The following HS3ST4 variants were observed in gnomAD, a reference collection of about 807,000 sequenced individuals.
The protein encoded by HS3ST4 is heparan sulfate-glucosamine 3-sulfotransferase 4.
A neutral mutation model predicts 29.2 loss-of-function variants in HS3ST4; 17 were observed. The ratio of observed to expected loss-of-function variants is 0.58; its 90% CI spans 0.40 to 0.87. HS3ST4 has a LOEUF of 0.87. Ranked by LOEUF, HS3ST4 falls within the 40% of genes least tolerant of loss-of-function variation. HS3ST4 has a pLI of 0.00. For synonymous variants in HS3ST4, 314 were observed against 285.7 expected (o/e 1.10, Z -1.00); for missense variants, 627 against 634.5 (o/e 0.99, Z 0.13).
chr16:26,105,322 A>T (rs563661009), intron 1 of HS3ST4, among the ~76,000 whole-genome samples: 1 of 152,292 alleles, frequency 6.6e-6, no homozygotes, highest in East Asian at 1.9e-4. Flanking sequence ...AAAAATAGGA[A>T]TGATAGACAC....
chr16:25,991,354 A>G (rs1350409841), intron 1 of HS3ST4, among the ~76,000 whole-genome samples: 1 of 152,182 alleles, frequency 6.6e-6, no homozygotes, highest in African/African-American at 2.4e-5. Flanking sequence ...GATATTTAAC[A>G]CGTTTAATCA....
chr16:25,947,858 G>T (rs1450617021), intron 1 of HS3ST4, among the ~76,000 whole-genome samples: 1 of 152,082 alleles, frequency 6.6e-6, no homozygotes, highest in Non-Finnish European at 1.5e-5. Context: ...AAACTTTCCA[G>T]CTGTGCAAGT....
At chr16:26,118,842 G>C (rs1370659296) in intron 1 of HS3ST4, among the ~76,000 whole-genome samples, 2 of 152,060 alleles carry the variant, frequency 1.3e-5, no homozygotes, top group African/African-American at 4.8e-5. Context: ...TGAGGTTGGA[G>C]AACATACCAT....
intron 1 of HS3ST4, among the ~76,000 whole-genome samples, chr16:26,086,636 A>G (rs925502542): frequency 3.3e-5 from 5 of 152,204 alleles, no homozygotes; most frequent in African/African-American, 9.6e-5. Context: ...GGCATGAGCC[A>G]CCATGCCCAG....
At chr16:25,861,960 C>T (rs1260655666) in intron 1 of HS3ST4, among the ~76,000 whole-genome samples, 1 of 151,936 alleles carries the variant, frequency 6.6e-6, no homozygotes, top group Non-Finnish European at 1.5e-5. Flanking sequence ...AGCAGCAGTC[C>T]CCAACCATTT....
intron 1 of HS3ST4, among the ~76,000 whole-genome samples, chr16:25,790,796 A>G (rs1966867484): frequency 6.6e-6 from 1 of 152,186 alleles, no homozygotes; most frequent in African/African-American, 2.4e-5. Context: ...TCTGGGTAAA[A>G]GTCCTTTGTT....
Position 25,923,859 on chromosome 16 carries a change from C to A in HS3ST4, c.735-211753C>A, listed in dbSNP as rs149293473. Among the ~76,000 whole-genome samples, 194 of 152,260 alleles carry A rather than the reference C, an allele frequency of 1.3e-3. 3 individuals carry two copies. The East Asian group carries it at 0.034, about 27-fold the overall frequency. ...ATTCTTGGTGAGCTGTAACATCCAT[C>A]ATGCTTAAGTGGATCCCATTGGCAT... On this transcript the variant is annotated intron_variant, in intron 1 of 1. Transcript: ENST00000331351.
rs1555470001 is a variant in HS3ST4, at chr16:25,873,417, C to CTTGT, written c.734+180266_734+180267insTTGT. Among the ~76,000 whole-genome samples, 250 of 103,284 alleles carry CTTGT rather than the reference C, an allele frequency of 2.4e-3. 5 individuals are homozygous for CTTGT. In the Middle Eastern group the frequency reaches 0.028, roughly 11 times the overall value. 67.8% of individuals were successfully genotyped at this position (103,284 alleles called of 152,430 possible). On this transcript the variant is annotated intron_variant, in intron 1 of 1. Transcript: ENST00000331351. ...ATCCATCCATCCATCCATCCATCCA[C>CTTGT]CCATCCATCCATTAATCCATCCATC...
At chr16:25,790,218 G>A (rs60774869) in intron 1 of HS3ST4, among the ~76,000 whole-genome samples, 8 of 152,000 alleles carry the variant, frequency 5.3e-5, no homozygotes, top group East Asian at 1.9e-4. Flanking sequence ...CAAGACCACC[G>A]TGGCCAACAT....
At chr16:25,694,449 A>G (rs760786028) in intron 1 of HS3ST4, among the ~76,000 whole-genome samples, 11 of 152,370 alleles carry the variant, frequency 7.2e-5, no homozygotes, top group Non-Finnish European at 1.2e-4. Context: ...GGGAAGCAGC[A>G]AATGTGTCTG....
chr16:25,779,137 CAT>C (rs1966850461), intron 1 of HS3ST4, among the ~76,000 whole-genome samples: 2 of 152,162 alleles, frequency 1.3e-5, no homozygotes, highest in South Asian at 4.1e-4. Flanking sequence ...CTAGGCTAAA[CAT>C]ATAAGTGCAC....
At chr16:26,051,775 ACTTT>A (rs921176759) in intron 1 of HS3ST4, among the ~76,000 whole-genome samples, 4 of 142,400 alleles carry the variant, frequency 2.8e-5, no homozygotes, top group Admixed American at 1.4e-4. Flanking sequence ...CACCCCACAC[ACTTT>A]CTTTCTTTCT....
intron 1 of HS3ST4, among the ~76,000 whole-genome samples, chr16:25,749,495 C>G (rs1966705602): frequency 6.7e-6 from 1 of 150,000 alleles, no homozygotes; most frequent in South Asian, 2.1e-4. Flanking sequence ...GATCCCATAT[C>G]AAAAAAGAAG....
chr16:25,815,766 G>C (rs1967087266), intron 1 of HS3ST4, among the ~76,000 whole-genome samples: 1 of 152,166 alleles, frequency 6.6e-6, no homozygotes, highest in South Asian at 2.1e-4. Context: ...AGGATTTTTA[G>C]ATAATCTACA....
At chr16:25,999,181 A>G (rs147834903) in intron 1 of HS3ST4, among the ~76,000 whole-genome samples, 11 of 152,194 alleles carry the variant, frequency 7.2e-5, no homozygotes, top group South Asian at 4.1e-4. Context: ...GTGTAGGTTC[A>G]CCTTAGGCAG....
intron 1 of HS3ST4, among the ~76,000 whole-genome samples, chr16:26,085,555 T>G (rs1405059676): frequency 6.6e-6 from 1 of 152,038 alleles, no homozygotes; most frequent in Non-Finnish European, 1.5e-5. Context: ...TAGTTGGTTA[T>G]AGGTGAAAAA....
intron 1 of HS3ST4, among the ~76,000 whole-genome samples, chr16:25,772,576 GTTAC>G (rs1350518042): frequency 6.6e-6 from 1 of 152,132 alleles, no homozygotes; most frequent in Non-Finnish European, 1.5e-5. Flanking sequence ...ACAAATATTA[GTTAC>G]TTTATCTTCT....
chr16:25,774,372 A>G (rs1202563478), intron 1 of HS3ST4, among the ~76,000 whole-genome samples: 1 of 152,200 alleles, frequency 6.6e-6, no homozygotes, highest in African/African-American at 2.4e-5. Context: ...TAGTTGGTAA[A>G]ACCAAGGTTC....
At chr16:25,826,947 G>A (rs781030587) in intron 1 of HS3ST4, among the ~76,000 whole-genome samples, 5 of 152,000 alleles carry the variant, frequency 3.3e-5, no homozygotes, top group East Asian at 3.9e-4. Context: ...TGCAGTCCTC[G>A]GTGTGCCTTT....
Sources: gnomAD v4.1 joint callset for allele counts (sites outside exome capture counted in the v4.1 genomes callset) on GRCh38, gnomAD v4.1.1 for gene constraint, MANE v1.5 for transcripts, NCBI Gene and HGNC (gene_info 2026-07-23, HGNC 2026-07-21) for gene names.